The following LTBR variants were observed in gnomAD, a reference collection of about 807,000 sequenced individuals.
The protein encoded by LTBR is tumor necrosis factor receptor superfamily member 3.
Under a neutral mutation model 45.4 loss-of-function variants are expected in LTBR, and 15 were observed. The ratio of observed to expected loss-of-function variants is 0.33; its 90% CI spans 0.22 to 0.51. The LOEUF (loss-of-function observed/expected upper bound fraction) is 0.51, where lower values mean the gene tolerates loss of function less well. LTBR is among the 20% of genes least tolerant of loss of function. The pLI, the probability that LTBR is intolerant of heterozygous loss-of-function variation, is 0.97. For synonymous variants in LTBR, 228 were observed against 231.0 expected, an observed-to-expected ratio of 0.99 and a Z score of 0.12; for missense variants, 450 against 565.5, an observed-to-expected ratio of 0.80 and a Z score of 2.07.
At chr12:6,375,210 A>G, upstream of LTBR, 4 of 1,439,520 alleles carry the variant, frequency 2.8e-6, no homozygotes, top group Middle Eastern at 2.6e-4. Flanking sequence ...CTCCCTCTCT[A>G]TCTGCCTTCT....
chr12:6,376,593 T>G (rs1038778949), intron 1 of LTBR, among the ~76,000 whole-genome samples: 6 of 152,200 alleles, frequency 3.9e-5, no homozygotes, highest in African/African-American at 1.4e-4. Context: ...ATGGGCTATA[T>G]TTTCTCCAAA....
At chr12:6,390,468 G>A in intron 9 of LTBR, 128 bp downstream of exon 9, 1 of 987,570 alleles carries the variant, frequency 1.0e-6, no homozygotes, top group South Asian at 1.6e-5. Context: ...GCCAGTCAGT[G>A]TCACAACTAG....
upstream of LTBR, among the ~76,000 whole-genome samples, chr12:6,382,077 C>G (rs1025237538): frequency 2.5e-5 from 2 of 79,610 alleles, no homozygotes; most frequent in African/African-American, 9.0e-5. Context: ...TCTGTAAGAT[C>G]AGTGTACCTT....
At position 6,375,562 on chromosome 12, in the gene LTBR, G is replaced by A. The variant is rs760323494; in HGVS notation, c.7G>A (p.Ala3Thr). ...GCCCGCTGGCCGGCCAGGGATGGAA[G>A]CGACAGGAATCTCATTAGCATCTCA... Residue 3 changes from alanine (A) to threonine (T), a missense_variant, in exon 1 of 10, where the codon GCG (alanine) becomes ACG (threonine). Physicochemically the swap from Ala to Thr is moderately conservative, Grantham distance 58. Transcript: ENST00000539925. 1.2e-5 allele frequency: 18 copies of A among 1,534,058 alleles called. 1 individual carries two copies. The South Asian group carries it at 1.9e-4, about 16-fold the overall frequency.
upstream of LTBR, among the ~76,000 whole-genome samples, chr12:6,379,774 CA>C (rs5796228): frequency 1.3e-5 from 2 of 150,992 alleles, no homozygotes; most frequent in African/African-American, 2.4e-5. Flanking sequence ...ACTAAAATTA[CA>C]AAAAAAATTA....
At chr12:6,387,696 A>G (rs1949064857) in intron 6 of LTBR, 1 of 298,626 alleles carries the variant, frequency 3.3e-6, no homozygotes, top group Admixed American at 4.4e-5. Flanking sequence ...GCTCCATGCT[A>G]TTGCTGGCAG....
intron 6 of LTBR, chr12:6,387,777 C>T (rs539207115): frequency 4.8e-6 from 2 of 419,332 alleles, no homozygotes; most frequent in Non-Finnish European, 9.7e-6. Context: ...ACTCCAGCCT[C>T]TCTTTCTCTT....
upstream of LTBR, chr12:6,383,946 G>A (rs1949008240): frequency 1.0e-6 from 1 of 971,428 alleles, no homozygotes; most frequent in African/African-American, 1.7e-5. Flanking sequence ...CCTTCCCTCG[G>A]CTGGGCCAGG....
upstream of LTBR, among the ~76,000 whole-genome samples, chr12:6,380,108 A>G (rs1452993188): frequency 6.6e-6 from 1 of 152,212 alleles, no homozygotes; most frequent in Non-Finnish European, 1.5e-5. Context: ...CAGGATGTTC[A>G]GCAGCATCCC....
At position 6,386,456 on chromosome 12, in the gene LTBR, G is replaced by C. The variant is rs760784258; in HGVS notation, c.667+12G>C. 2.6e-6 allele frequency: 4 copies of C among 1,558,812 alleles called. No homozygotes were observed. The East Asian group carries it at 9.3e-5, about 36-fold the overall frequency. On this transcript the variant is annotated intron_variant, in intron 6 of 9. Coordinates refer to ENST00000228918, the MANE Select transcript of LTBR (RefSeq NM_002342.3). The surrounding 1 kb of genome is among the most constrained non-coding windows in gnomAD (Gnocchi z 4.1). ...CCCAGAGATGTCAGGTGAGGGACCA[G>C]GGCTGAGGGACACGGGGGGGGCGCC... is the stretch of plus-strand genomic sequence containing the variant.
At chr12:6,389,986 AG>A (rs1949092244) in intron 8 of LTBR, 125 bp from the exon 9 acceptor site, 1 of 699,310 alleles carries the variant, frequency 1.4e-6, no homozygotes, top group South Asian at 1.7e-5. Context: ...AGAGAAAGAG[AG>A]AGAGAGAGAG....
Position 6,390,198 on chromosome 12 carries a change from C to G in LTBR, c.888C>G (p.Pro296=), listed in dbSNP as rs1230591027. ...YFPDLVQPLL[P]ISGDVSPVST... is the part of the protein sequence containing the mutation. ...CTGACTTGGTACAGCCACTGCTACC[C>G]ATTTCTGGAGATGTTTCCCCAGTAT... is the stretch of plus-strand genomic sequence containing the variant. Residue 296 remains proline, a synonymous_variant, in exon 9 of 10, where the codon CCC becomes CCG. Transcript: ENST00000228918. 1.2e-6 allele frequency: 2 copies of G among 1,614,140 alleles called. No homozygotes were observed. The highest frequency in any genetic ancestry group is 1.1e-5 in the South Asian group (1 of 91,076).
At chr12:6,381,487 C>G (rs1948983915), upstream of LTBR, among the ~76,000 whole-genome samples, 5 of 152,202 alleles carry the variant, frequency 3.3e-5, no homozygotes, top group Admixed American at 3.3e-4. Flanking sequence ...GGGCCAGGAT[C>G]AAAACCCAGA....
intron 1 of LTBR, chr12:6,376,222 G>A (rs72645145): frequency 1.0e-6 from 1 of 982,024 alleles, no homozygotes; most frequent in Admixed American, 6.1e-5. Flanking sequence ...GCCTCCTCCT[G>A]GTCCCTCCTC....
intron 6 of LTBR, chr12:6,387,446 A>T (rs561245623): frequency 6.6e-6 from 1 of 152,658 alleles, no homozygotes; most frequent in East Asian, 1.9e-4. Flanking sequence ...TTTAGAGAGT[A>T]TGTAAGCTAA....
upstream of LTBR, among the ~76,000 whole-genome samples, chr12:6,382,565 T>G (rs1212865797): frequency 6.6e-6 from 1 of 152,198 alleles, no homozygotes; most frequent in East Asian, 1.9e-4. Context: ...GCGCAGTGCA[T>G]GCTGTTCTGA....
upstream of LTBR, among the ~76,000 whole-genome samples, chr12:6,381,888 T>C (rs1948988509): frequency 6.6e-6 from 1 of 152,108 alleles, no homozygotes; most frequent in South Asian, 2.1e-4. Context: ...CAGAGAATTG[T>C]TTGAACCTGG....
chr12:6,386,553 G>A lies in LTBR; in HGVS notation c.667+109G>A, dbSNP rs765952848. On this transcript the variant is annotated intron_variant, in intron 6 of 9. Coordinates refer to ENST00000228918, the MANE Select transcript of LTBR (RefSeq NM_002342.3). The surrounding 1 kb of genome is among the most constrained non-coding windows in gnomAD (Gnocchi z 4.1). ...GATGAACACTTCCCTCCCAGAATTG[G>A]GCAAGAAGAAAGTTCCTTACAGAAA... 307 of 846,238 alleles carry A rather than the reference G, an allele frequency of 3.6e-4. No homozygotes were observed. Among genetic ancestry groups the A allele is most frequent in the South Asian group, 2.2e-3 (134 of 61,354 alleles). 52.4% of individuals were successfully genotyped at this position (846,238 alleles called of 1,614,324 possible).
At chr12:6,381,801 C>T (rs1452351947), upstream of LTBR, among the ~76,000 whole-genome samples, 2 of 152,154 alleles carry the variant, frequency 1.3e-5, no homozygotes, top group South Asian at 2.1e-4. Context: ...GGCGAAACCC[C>T]ATCTCTACTA....
Sources: allele counts gnomAD v4.1 joint callset (sites outside exome capture counted in the v4.1 genomes callset), GRCh38; gene constraint gnomAD v4.1.1; non-coding constraint Gnocchi (gnomAD v3.1); transcripts MANE v1.5; gene names NCBI Gene and HGNC (gene_info 2026-07-23, HGNC 2026-07-21).